Variants in RASGRF2 observed in about 807,000 individuals in gnomAD.
The protein encoded by RASGRF2 is ras-specific guanine nucleotide-releasing factor 2.
A neutral mutation model predicts 151.0 loss-of-function variants in RASGRF2; 76 were observed. That is an observed-to-expected ratio of 0.50 (90% confidence interval 0.42 to 0.61). RASGRF2 has a LOEUF of 0.61. RASGRF2 is among the 20% of genes least tolerant of loss of function. The probability of loss-of-function intolerance (pLI) is 0.00; values close to 1 mark genes in which losing one functional copy is unlikely to be tolerated. For synonymous variants in RASGRF2, 504 were observed against 566.5 expected, an observed-to-expected ratio of 0.89 and a Z score of 1.57; for missense variants, 1,148 against 1,564.6, an observed-to-expected ratio of 0.73 and a Z score of 4.49.
At position 81,212,449 on chromosome 5, in the gene RASGRF2, G is replaced by A; in HGVS notation, c.3240G>A (p.Val1080=). 2 of 1,613,956 alleles carry A rather than the reference G, an allele frequency of 1.2e-6. No homozygotes were observed. The highest frequency in any genetic ancestry group is 1.7e-6 in the Non-Finnish European group (2 of 1,179,938). The change falls in exon 23 of 27, where the codon GTG becomes GTA. Residue 1080 remains valine, a synonymous_variant. Coordinates refer to ENST00000265080, the MANE Select transcript of RASGRF2 (RefSeq NM_006909.3). Reference sequence around the variant, plus strand: ...ACGCCATCGAGAAATGGGTGGCAGTGGCGGACATCTGCCGATGCCTGCACA... The same window carrying A: ...ACGCCATCGAGAAATGGGTGGCAGTAGCGGACATCTGCCGATGCCTGCACA... The part of the protein sequence containing the change: ...RANAIEKWVA[V]ADICRCLHNY...
intron 1 of RASGRF2, among the ~76,000 whole-genome samples, chr5:81,036,390 A>C (rs931903448): frequency 1.3e-5 from 2 of 152,066 alleles, no homozygotes; most frequent in African/African-American, 2.4e-5. Flanking sequence ...TAACACTATG[A>C]TGGAAATATT....
chr5:81,110,450 A>G (rs887092485), intron 13 of RASGRF2, among the ~76,000 whole-genome samples: 1 of 152,210 alleles, frequency 6.6e-6, no homozygotes, highest in Non-Finnish European at 1.5e-5. Flanking sequence ...AAATGTAATC[A>G]CGATTTTGAA....
intron 17 of RASGRF2, among the ~76,000 whole-genome samples, chr5:81,151,544 T>A (rs35673979): frequency 0.19 from 28,889 of 152,140 alleles, 3,052 homozygotes; most frequent in Middle Eastern, 0.32. Context: ...ACAGTTTTAT[T>A]GGATATAGAA....
chr5:81,079,727 G>T (rs1752033226), intron 5 of RASGRF2, among the ~76,000 whole-genome samples: 1 of 151,882 alleles, frequency 6.6e-6, no homozygotes, highest in African/African-American at 2.4e-5. Context: ...CTCTCCTTCT[G>T]TCAAAACTCA....
intron 5 of RASGRF2, 148 bp from the exon 6 acceptor site, chr5:81,079,973 A>G: frequency 9.7e-7 from 1 of 1,025,682 alleles, no homozygotes; most frequent in South Asian, 2.3e-5. Context: ...GATTGAGGAT[A>G]ATATAATCCA....
At position 81,200,928 on chromosome 5, in the gene RASGRF2, A is replaced by AGTGTGTTGGGGGCGTGGT. The variant is rs1267544195; in HGVS notation, c.2794-383_2794-366dup. Among the ~76,000 whole-genome samples the AGTGTGTTGGGGGCGTGGT allele has an allele frequency of 4.0e-5, 6 of 151,318 alleles. No homozygotes were observed. In the East Asian group the frequency reaches 1.2e-3, roughly 29 times the overall value. ...CATTTGTTAAGTCTAGGACAGTGTG[A>AGTGTGTTGGGGGCGTGGT]GTGTGTTGGGGGCGTGGTGTGTGTT... is the stretch of plus-strand genomic sequence containing the variant. On this transcript the variant is annotated intron_variant, in intron 18 of 26. Coordinates refer to ENST00000265080, the MANE Select transcript of RASGRF2 (RefSeq NM_006909.3).
At chr5:81,120,455 C>T (rs1050884182) in intron 15 of RASGRF2, among the ~76,000 whole-genome samples, 2 of 152,044 alleles carry the variant, frequency 1.3e-5, no homozygotes, top group African/African-American at 4.8e-5. Flanking sequence ...TGGCTGTGTG[C>T]ACCTGTGGTC....
chr5:81,056,759 G>C (rs1350592153), intron 2 of RASGRF2, among the ~76,000 whole-genome samples: 1 of 152,290 alleles, frequency 6.6e-6, no homozygotes, highest in East Asian at 1.9e-4. Context: ...TTGTGTGGAA[G>C]TCTGAGTCTC....
At chr5:81,122,847 A>C (rs1753346189) in intron 15 of RASGRF2, among the ~76,000 whole-genome samples, 1 of 152,192 alleles carries the variant, frequency 6.6e-6, no homozygotes, top group African/African-American at 2.4e-5. Flanking sequence ...GTGACCCTAA[A>C]ATGATGTGTG....
chr5:81,025,835 T>C (rs944939567), intron 1 of RASGRF2, among the ~76,000 whole-genome samples: 2 of 152,188 alleles, frequency 1.3e-5, no homozygotes, highest in African/African-American at 4.8e-5. Context: ...TTTTGCTACC[T>C]CAGATTAGTT....
At chr5:81,156,794 A>G (rs1754269163) in intron 17 of RASGRF2, among the ~76,000 whole-genome samples, 1 of 152,164 alleles carries the variant, frequency 6.6e-6, no homozygotes, top group Non-Finnish European at 1.5e-5. Context: ...TGCCACTTCT[A>G]TTCAACATTG....
At chr5:81,110,118 A>G (rs960472497) in intron 13 of RASGRF2, among the ~76,000 whole-genome samples, 2 of 152,184 alleles carry the variant, frequency 1.3e-5, no homozygotes, top group Non-Finnish European at 2.9e-5. Flanking sequence ...TCTATAAACT[A>G]TGAAGAAAAA....
chr5:80,994,170 C>T (rs1748747431), intron 1 of RASGRF2, among the ~76,000 whole-genome samples: 1 of 151,884 alleles, frequency 6.6e-6, no homozygotes, highest in Admixed American at 6.6e-5. Flanking sequence ...TCGAGACCAT[C>T]CTGGCTAACA....
At chr5:81,224,142 T>G (rs1755921324) in intron 26 of RASGRF2, among the ~76,000 whole-genome samples, 1 of 152,154 alleles carries the variant, frequency 6.6e-6, no homozygotes, top group Admixed American at 6.5e-5. Flanking sequence ...ACAATTCAAC[T>G]GGTAAACCTG....
At position 81,229,748 on chromosome 5, in the gene RASGRF2, G is replaced by A. The variant is rs1251083742; in HGVS notation, c.*3978G>A. On this transcript the variant is annotated 3_prime_UTR_variant, in exon 27 of 27. Coordinates refer to ENST00000265080, the MANE Select transcript of RASGRF2 (RefSeq NM_006909.3). ...ATCCCGGCCCTGAGTCCTAGGCCCA[G>A]TCTCCAACTGGAAAACCTTAGGCTG... is the stretch of plus-strand genomic sequence containing the variant. The A allele has an allele frequency of 6.6e-6, 1 of 152,350 alleles. No individual in the cohort carries two copies. The highest frequency in any genetic ancestry group is 2.4e-5 in the African/African-American group (1 of 41,582). 9.4% of individuals were successfully genotyped at this position (152,350 alleles called of 1,614,324 possible). A position where few individuals can be genotyped will look rare whatever the true frequency, so the allele number is the denominator to read the frequency against.
At chr5:81,055,334 G>T (rs1344722546) in intron 2 of RASGRF2, among the ~76,000 whole-genome samples, 4 of 152,134 alleles carry the variant, frequency 2.6e-5, no homozygotes, top group African/African-American at 9.7e-5. Flanking sequence ...TTTTTAGCAT[G>T]AAGGGCTGTT....
rs563463435 is a variant in RASGRF2 at position 81,092,585 on chromosome 5, G to A, written c.1391-216G>A. On this transcript the variant is annotated intron_variant, in intron 9 of 26. Coordinates refer to ENST00000265080, the MANE Select transcript of RASGRF2 (RefSeq NM_006909.3). ...TTATAGATGAAGAATCAAGTCTAAAGTGTTTCACAAAAATATTAGGAACAG... is the reference window on the plus strand; with the variant it reads ...TTATAGATGAAGAATCAAGTCTAAAATGTTTCACAAAAATATTAGGAACAG... Among the ~76,000 whole-genome samples the A allele has an allele frequency of 3.3e-5, 5 of 152,258 alleles. No individual in the cohort carries two copies. The East Asian group carries it at 5.8e-4, about 18-fold the overall frequency.
intron 2 of RASGRF2, among the ~76,000 whole-genome samples, chr5:81,061,859 G>T (rs1751444173): frequency 6.6e-6 from 1 of 151,556 alleles, no homozygotes; most frequent in Admixed American, 6.6e-5. Flanking sequence ...GCTTATTTTT[G>T]TATTTATTTT....
intron 3 of RASGRF2, 31 bp downstream of exon 3, chr5:81,068,210 T>A: frequency 1.3e-6 from 2 of 1,594,518 alleles, no homozygotes; most frequent in Non-Finnish European, 1.7e-6. Flanking sequence ...TCCTTCTCAT[T>A]GTTTCACGTT....
Sources: gnomAD v4.1 joint callset for allele counts (sites outside exome capture counted in the v4.1 genomes callset) on GRCh38, gnomAD v4.1.1 for gene constraint, MANE v1.5 for transcripts, NCBI Gene and HGNC (gene_info 2026-07-23, HGNC 2026-07-21) for gene names.